Variants in TCAF1 observed in about 807,000 individuals in gnomAD.
TCAF1 encodes the protein TRPM8 channel-associated factor 1.
TCAF1 carries 4 observed loss-of-function variants against 27.3 expected under a neutral mutation model. The ratio of observed to expected loss-of-function variants is 0.15; its 90% CI spans 0.07 to 0.34. The LOEUF (loss-of-function observed/expected upper bound fraction) is 0.34, where lower values mean the gene tolerates loss of function less well. Among genes scored for constraint, TCAF1 ranks in the 10% least tolerant of loss-of-function variants. The probability of loss-of-function intolerance (pLI) is 1.00; values close to 1 mark genes in which losing one functional copy is unlikely to be tolerated. For missense variants in TCAF1, 257 were observed against 425.8 expected (o/e 0.60, Z 3.49); for synonymous variants, 105 against 167.1 (o/e 0.63, Z 2.87).
chr7:143,882,504 G>T (rs1252069900), intron 1 of TCAF1: 4 of 985,254 alleles, frequency 4.1e-6, no homozygotes, highest in Non-Finnish European at 4.8e-6. Flanking sequence ...GCGGCAGGGG[G>T]ATGCGGGACC....
Position 143,851,639 on chromosome 7 carries a change from AAAGAT to A in TCAF1, c.*2489_*2493del, listed in dbSNP as rs1563203793. The A allele has an allele frequency of 6.6e-6, 1 of 152,180 alleles. No individual in the cohort carries two copies. Among genetic ancestry groups the A allele is most frequent in the African/African-American group, 2.4e-5 (1 of 41,416 alleles). 9.4% of individuals were successfully genotyped at this position (152,180 alleles called of 1,614,324 possible). ...ACATCTTTAATAATTCCCCATTACA[AAAGAT>A]AAGGATTTAACTTACACTATCGCCA... On this transcript the variant is annotated 3_prime_UTR_variant, in exon 9 of 9. Coordinates refer to ENST00000479870, the MANE Select transcript of TCAF1 (RefSeq NM_014719.3).
intron 1 of TCAF1, among the ~76,000 whole-genome samples, chr7:143,901,659 A>T (rs1042816184): frequency 1.3e-5 from 2 of 152,194 alleles, no homozygotes; most frequent in Admixed American, 1.3e-4. Context: ...GCGAGATCAA[A>T]TCGCCTCGAG....
At position 143,876,114 on chromosome 7, in the gene TCAF1, C is replaced by G. The variant is rs777359713; in HGVS notation, c.495G>C (p.Arg165Ser). 1.9e-6 allele frequency: 3 copies of G among 1,614,074 alleles called. No homozygotes were observed. Among genetic ancestry groups the G allele is most frequent in the Non-Finnish European group, 2.5e-6 (3 of 1,180,040 alleles). Residue 165 changes from arginine (R) to serine (S), a missense_variant, in exon 2 of 9, where the codon AGG (arginine) becomes AGC (serine). By Grantham distance (110) the Arg-to-Ser change is moderately radical. Coordinates refer to ENST00000479870, the MANE Select transcript of TCAF1 (RefSeq NM_014719.3). ...GGTTCCCAGGGAACGTGAACAGAAC[C>G]CTTTCATCCTCCCCCTGGTTGGCCC... ...WDWANQGEDE[R>S]VLFTFPGNLV...
rs554165667 is a variant in TCAF1, at chr7:143,876,079, C to T, written c.530G>A (p.Ser177Asn). 1.8e-5 allele frequency: 29 copies of T among 1,612,718 alleles called. 1 individual carries two copies. In the South Asian group the frequency reaches 2.9e-4, roughly 16 times the overall value. Residue 177 changes from serine (S) to asparagine (N), a missense_variant, in exon 2 of 9, where the codon AGT (serine) becomes AAT (asparagine). This residue lies in a region of TCAF1 where 255 missense variants were observed against 260.1 expected (regional missense o/e 0.98). Coordinates refer to ENST00000479870, the MANE Select transcript of TCAF1 (RefSeq NM_014719.3). ...GTCAGTAAAGTAAATGCCAGCCACA[C>T]TGGTCACGAGGTTCCCAGGGAACGT... ...LFTFPGNLVTSVAGIYFTDNK... is the reference protein window; with the variant it reads ...LFTFPGNLVTNVAGIYFTDNK...
At chr7:143,895,671 C>T (rs1813839532) in intron 1 of TCAF1, among the ~76,000 whole-genome samples, 1 of 151,334 alleles carries the variant, frequency 6.6e-6, no homozygotes, top group East Asian at 1.9e-4. Flanking sequence ...TCTGTAAACA[C>T]ATGTTGGTAA....
chr7:143,877,478 G>T (rs535678168), intron 1 of TCAF1, among the ~76,000 whole-genome samples: 8 of 152,282 alleles, frequency 5.3e-5, no homozygotes, highest in African/African-American at 1.7e-4. Flanking sequence ...GTCCTCTGTG[G>T]TTTAAATGCA....
chr7:143,867,912 A>G (rs2116733108), intron 2 of TCAF1, among the ~76,000 whole-genome samples: 1 of 81,126 alleles, frequency 1.2e-5, no homozygotes, highest in East Asian at 3.1e-4. Context: ...GAATTACCTG[A>G]GCAACTCTGT....
intron 1 of TCAF1, 83 bp downstream of exon 1, chr7:143,901,878 C>G (rs1182195564): frequency 6.6e-6 from 1 of 152,148 alleles, no homozygotes; most frequent in Non-Finnish European, 1.5e-5. Flanking sequence ...TGGGGGCGCG[C>G]GCAGAGGCCG....
At chr7:143,882,193 A>AAC (rs35872468) in intron 1 of TCAF1, 15,177 of 150,266 alleles carry the variant, frequency 0.1, 827 homozygotes, top group Middle Eastern at 0.15. Context: ...CATGCGCGTA[A>AAC]ACACACACAC....
At chr7:143,876,654 C>T (rs1812736310) in intron 1 of TCAF1, 32 bp from the exon 2 acceptor site, 1 of 1,454,110 alleles carries the variant, frequency 6.9e-7, no homozygotes, top group Non-Finnish European at 9.1e-7. Flanking sequence ...CTCAGCTTAG[C>T]GAAGAATGGA....
At position 143,852,115 on chromosome 7, in the gene TCAF1, CTCT is replaced by C. The variant is rs1296809163; in HGVS notation, c.*2015_*2017del. On this transcript the variant is annotated 3_prime_UTR_variant, in exon 9 of 9. Transcript: ENST00000479870. ...AGAAAAGGAAATGTACCTATCAAGCCTCTTCTTATTCTTCATGAATAACTCAAA... is the reference window on the plus strand; with the variant it reads ...AGAAAAGGAAATGTACCTATCAAGCCTCTTATTCTTCATGAATAACTCAAA... The C allele has an allele frequency of 2.0e-5, 3 of 151,250 alleles. No homozygotes were observed. Among genetic ancestry groups the C allele is most frequent in the African/African-American group, 4.8e-5 (2 of 41,258 alleles). The allele number at this position is 151,250 out of a possible 1,614,324, so 9.4% of individuals were successfully genotyped here.
At chr7:143,894,719 T>C (rs1269736731) in intron 1 of TCAF1, among the ~76,000 whole-genome samples, 3 of 151,578 alleles carry the variant, frequency 2.0e-5, no homozygotes, top group Non-Finnish European at 3.0e-5. Context: ...AAATTAGATA[T>C]TATAAAAATT....
intron 1 of TCAF1, among the ~76,000 whole-genome samples, chr7:143,893,758 G>A (rs930883716): frequency 6.6e-6 from 1 of 151,406 alleles, no homozygotes; most frequent in East Asian, 1.9e-4. Context: ...GGCAGCAAAA[G>A]CAATTACTTA....
intron 1 of TCAF1, among the ~76,000 whole-genome samples, chr7:143,892,547 T>G (rs959758221): frequency 1.7e-4 from 26 of 150,542 alleles, no homozygotes; most frequent in Non-Finnish European, 3.4e-4. Context: ...TTTTTTTTTT[T>G]GGAGAAGGAG....
In TCAF1 at chr7:143,885,659, T is replaced by C. The variant is rs1053582374; in HGVS notation, c.-14-9037A>G. On this transcript the variant is annotated intron_variant, in intron 1 of 8. Transcript: ENST00000479870. Reference sequence around the variant, plus strand: ...CAAGGATGGGTTAAATCTACTTATATAAATCTACTTATATATTGCCTCTAT... The same window carrying C: ...CAAGGATGGGTTAAATCTACTTATACAAATCTACTTATATATTGCCTCTAT... 5.1e-6 allele frequency: 3 copies of C among 589,748 alleles called. No individual in the cohort carries two copies. The Admixed American group carries it at 1.9e-4, about 37-fold the overall frequency. The allele number at this position is 589,748 out of a possible 1,614,324, so 36.5% of individuals were successfully genotyped here.
chr7:143,898,068 A>T (rs1554395876), intron 1 of TCAF1, among the ~76,000 whole-genome samples: 2 of 152,146 alleles, frequency 1.3e-5, no homozygotes, highest in Non-Finnish European at 2.9e-5. Context: ...ATTAAATACT[A>T]TACTTTACTA....
chr7:143,887,142 T>A (rs1002851565), intron 1 of TCAF1, among the ~76,000 whole-genome samples: 1 of 152,192 alleles, frequency 6.6e-6, no homozygotes, highest in Admixed American at 6.5e-5. Flanking sequence ...ATGTTCTGCC[T>A]GGAGTAGCTC....
At chr7:143,882,833 G>T (rs1361067527) in intron 1 of TCAF1, 4 of 985,516 alleles carry the variant, frequency 4.1e-6, no homozygotes, top group Non-Finnish European at 3.6e-6. Flanking sequence ...ACCAGTGACT[G>T]GGCGACCGAG....
At chr7:143,899,181 T>C (rs1054382667) in intron 1 of TCAF1, among the ~76,000 whole-genome samples, 14 of 152,242 alleles carry the variant, frequency 9.2e-5, no homozygotes, top group African/African-American at 2.7e-4. Flanking sequence ...TGCTTGTTTG[T>C]TTCTTGTTTT....
Sources: allele counts gnomAD v4.1 joint callset (sites outside exome capture counted in the v4.1 genomes callset), GRCh38; gene constraint gnomAD v4.1.1; regional missense constraint gnomAD v4.1.1; transcripts MANE v1.5; gene names NCBI Gene and HGNC (gene_info 2026-07-23, HGNC 2026-07-21).